RELN: variants seen among roughly 807,000 people sequenced by gnomAD.
The protein encoded by RELN is reelin.
In RELN, 108 loss-of-function variants were observed where a neutral mutation model predicts 427.6. The ratio of observed to expected loss-of-function variants is 0.25; its 90% confidence interval spans 0.22 to 0.30. The LOEUF is 0.30. Among genes scored for constraint, RELN ranks in the 10% least tolerant of loss-of-function variants. The pLI is 1.00. For synonymous variants in RELN, 1,524 were observed against 1,513.4 expected, an observed-to-expected ratio of 1.01 and a Z score of -0.16; for missense variants, 3,715 against 4,302.8, an observed-to-expected ratio of 0.86 and a Z score of 3.82.
At chr7:103,803,250 A>G (rs570259051) in intron 3 of RELN, among the ~76,000 whole-genome samples, 128 of 152,260 alleles carry the variant, frequency 8.4e-4, no homozygotes, top group African/African-American at 3.0e-3. Context: ...CCATTTCACT[A>G]AAGACATTAA....
intron 57 of RELN, among the ~76,000 whole-genome samples, chr7:103,494,990 A>G (rs1298552195): frequency 1.3e-5 from 2 of 152,078 alleles, no homozygotes; most frequent in Non-Finnish European, 2.9e-5. Context: ...AGAACTGTGC[A>G]ACATAAAAAG....
chr7:103,736,459 AAC>A (rs1191371046), intron 6 of RELN, among the ~76,000 whole-genome samples: 1 of 152,194 alleles, frequency 6.6e-6, no homozygotes, highest in African/African-American at 2.4e-5. Flanking sequence ...CTAAGGAGCT[AAC>A]ACATACTGTA....
intron 19 of RELN, among the ~76,000 whole-genome samples, chr7:103,631,475 G>A (rs952848286): frequency 7.2e-5 from 11 of 151,830 alleles, no homozygotes; most frequent in African/African-American, 2.7e-4. Context: ...TGTATTTTTA[G>A]TAGAGACAGG....
chr7:103,970,630 T>C (rs1279793045), intron 1 of RELN, among the ~76,000 whole-genome samples: 1 of 152,236 alleles, frequency 6.6e-6, no homozygotes, highest in African/African-American at 2.4e-5. Flanking sequence ...TAAGTTACAT[T>C]GCCTTTGGTC....
chr7:103,975,783 T>C (rs931259808), intron 1 of RELN, among the ~76,000 whole-genome samples: 1 of 150,394 alleles, frequency 6.6e-6, no homozygotes, highest in Non-Finnish European at 1.5e-5. Flanking sequence ...CCTGACCTCA[T>C]GATCCGCCCA....
chr7:103,874,321 A>G (rs1324665288), intron 2 of RELN, among the ~76,000 whole-genome samples: 4 of 134,368 alleles, frequency 3.0e-5, no homozygotes, highest in African/African-American at 1.1e-4. Flanking sequence ...CTCTCTCACC[A>G]CTCCTATTCA....
chr7:103,745,115 G>A (rs1166772390), intron 6 of RELN, among the ~76,000 whole-genome samples: 11 of 151,958 alleles, frequency 7.2e-5, no homozygotes, highest in East Asian at 1.9e-4. Context: ...TTCAATATAC[G>A]CAAATCAATA....
chr7:103,607,351 A>C (rs1236640136), intron 22 of RELN, among the ~76,000 whole-genome samples: 4 of 152,190 alleles, frequency 2.6e-5, no homozygotes, highest in African/African-American at 9.6e-5. Context: ...TGAGAAAAAA[A>C]ATTAGTTGTG....
chr7:103,812,201 T>G (rs1792760435), intron 3 of RELN, among the ~76,000 whole-genome samples: 1 of 152,050 alleles, frequency 6.6e-6, no homozygotes, highest in Non-Finnish European at 1.5e-5. Flanking sequence ...TAGGGTGATA[T>G]CCCCAGTCAG....
intron 2 of RELN, among the ~76,000 whole-genome samples, chr7:103,913,402 T>C (rs1584361344): frequency 1.3e-5 from 2 of 152,192 alleles, no homozygotes; most frequent in South Asian, 4.1e-4. Flanking sequence ...TCCTGTGATA[T>C]GTTGGGGAAA....
chr7:103,957,990 C>CT (rs1242372203), intron 1 of RELN, among the ~76,000 whole-genome samples: 1 of 152,172 alleles, frequency 6.6e-6, no homozygotes, highest in Non-Finnish European at 1.5e-5. Flanking sequence ...ACTCAGACCC[C>CT]TTCAGGCTCC....
chr7:103,916,134 A>G (rs1795476435), intron 2 of RELN, among the ~76,000 whole-genome samples: 2 of 152,168 alleles, frequency 1.3e-5, no homozygotes, highest in Non-Finnish European at 2.9e-5. Context: ...AAGCAGTGAC[A>G]ATGCAGCATC....
At chr7:103,680,893 G>T (rs145707465) in intron 11 of RELN, among the ~76,000 whole-genome samples, 1 of 152,132 alleles carries the variant, frequency 6.6e-6, no homozygotes, top group East Asian at 1.9e-4. Context: ...AGGCCCTGAG[G>T]GGGTGGAGTC....
At chr7:103,858,002 G>GTTT (rs34616950) in intron 2 of RELN, among the ~76,000 whole-genome samples, 3 of 151,388 alleles carry the variant, frequency 2.0e-5, no homozygotes, top group Non-Finnish European at 2.9e-5. Flanking sequence ...CTCTTCAATG[G>GTTT]TTTCTTTTTT....
At chr7:103,480,016 C>T (rs1828175373) in intron 63 of RELN, among the ~76,000 whole-genome samples, 1 of 152,152 alleles carries the variant, frequency 6.6e-6, no homozygotes, top group African/African-American at 2.4e-5. Flanking sequence ...TATGCCCCAA[C>T]CATTAGTTGC....
chr7:103,790,673 G>C (rs933144649), intron 3 of RELN, among the ~76,000 whole-genome samples: 3 of 152,022 alleles, frequency 2.0e-5, no homozygotes, highest in African/African-American at 7.2e-5. Context: ...GTCCTTTAAA[G>C]AAGAAAATAG....
intron 1 of RELN, among the ~76,000 whole-genome samples, chr7:103,931,846 C>T (rs1387764907): frequency 6.6e-6 from 1 of 152,126 alleles, no homozygotes; most frequent in Non-Finnish European, 1.5e-5. Context: ...AGAAGTAGAC[C>T]TGGAGGTGGA....
rs1042885094 is a variant in RELN at position 103,989,587 on chromosome 7, G to T, written c.-231C>A. ...GGAGCGCGGGACCGGGGCTGCGGGC[G>T]CCGAGAGCGCGTCGTCTGCCGCCTC... On this transcript the variant is annotated 5_prime_UTR_variant, in exon 1 of 65. Transcript: ENST00000428762. This position sits in a 1 kb window ranked among gnomAD's most constrained non-coding sequence, Gnocchi z 4.9. The T allele has an allele frequency of 1.0e-5, 4 of 390,772 alleles. No individual in the cohort carries two copies. Among genetic ancestry groups the T allele is most frequent in the Non-Finnish European group, 1.8e-5 (4 of 228,338 alleles). The allele number at this position is 390,772 out of a possible 1,614,324, so 24.2% of individuals were successfully genotyped here.
At chr7:103,712,847 GT>G (rs1789838913) in intron 8 of RELN, among the ~76,000 whole-genome samples, 1 of 151,124 alleles carries the variant, frequency 6.6e-6, no homozygotes, top group Non-Finnish European at 1.5e-5. Flanking sequence ...ATCAATTGGT[GT>G]TTAGTCTCTC....
Sources: allele counts gnomAD v4.1 joint callset (sites outside exome capture counted in the v4.1 genomes callset), GRCh38; gene constraint gnomAD v4.1.1; non-coding constraint Gnocchi (gnomAD v3.1); transcripts MANE v1.5; gene names NCBI Gene and HGNC (gene_info 2026-07-23, HGNC 2026-07-21).